MYO7B: variants seen among roughly 807,000 people sequenced by gnomAD.
The protein encoded by MYO7B is unconventional myosin-VIIb.
A neutral mutation model predicts 259.7 loss-of-function variants in MYO7B; 212 were observed. The observed-to-expected ratio is 0.82, with a 90% CI of 0.73 to 0.91. MYO7B has a LOEUF of 0.91. MYO7B is among the 40% of genes least tolerant of loss of function. The pLI, the probability that MYO7B is intolerant of heterozygous loss-of-function variation, is 0.00. For synonymous variants in MYO7B, 1,197 were observed against 1,166.4 expected, an observed-to-expected ratio of 1.03 and a Z score of -0.54; for missense variants, 2,732 against 2,813.5, an observed-to-expected ratio of 0.97 and a Z score of 0.66.
intron 5 of MYO7B, 141 bp from the exon 6 acceptor site, chr2:127,569,647 AG>A: frequency 9.5e-7 from 1 of 1,055,888 alleles, no homozygotes; most frequent in East Asian, 2.7e-5. Flanking sequence ...TCAGGGCTTC[AG>A]TGCAGTGGGA....
rs954972165 is a variant in MYO7B, at chr2:127,622,000, G to A, written c.3544G>A (p.Gly1182Ser). Residue 1182 changes from glycine (G) to serine (S), a missense_variant, in exon 28 of 48, where the codon GGC (glycine) becomes AGC (serine). This residue lies in a region of MYO7B where 1,906 missense variants were observed against 2,026.4 expected (regional missense o/e 0.94). Transcript: ENST00000409816. ...CCACCAGTATCTACTGAACTTCATC[G>A]GCCAAGGGCCGGCGACCTACGGCCC... The part of the protein sequence containing the change: ...RFMKYLLNFI[G>S]QGPATYGPFC... The A allele has an allele frequency of 1.0e-5, 16 of 1,551,628 alleles. No individual in the cohort carries two copies. The highest frequency in any genetic ancestry group is 1.3e-5 in the Non-Finnish European group (15 of 1,147,008).
At chr2:127,605,742 A>G in intron 19 of MYO7B, 102 bp from the exon 20 acceptor site, 1 of 982,052 alleles carries the variant, frequency 1.0e-6, no homozygotes, top group Non-Finnish European at 1.5e-6. Flanking sequence ...ATTTTTCCCA[A>G]TATTTCACTA....
At chr2:127,635,672 G>A (rs375419166) in intron 43 of MYO7B, 50 bp from the exon 44 acceptor site, 34 of 1,537,732 alleles carry the variant, frequency 2.2e-5, no homozygotes, top group South Asian at 7.4e-5. Context: ...GGTTGGGGGC[G>A]GGTGGGCCGC....
Position 127,559,622 on chromosome 2 carries a change from A to C in MYO7B, c.-23-78A>C. ...GGCACTTAGGGAAGTGTTGGTGAAC[A>C]AGCCCAGCTCCTGTGCTCCAGGGGC... On this transcript the variant is annotated intron_variant, in intron 1 of 47. Coordinates refer to ENST00000409816, the MANE Select transcript of MYO7B (RefSeq NM_001393586.1). This position sits in a 1 kb window ranked among gnomAD's most constrained non-coding sequence, Gnocchi z 4.1. 1.4e-6 allele frequency: 2 copies of C among 1,390,734 alleles called. No individual in the cohort carries two copies. Among genetic ancestry groups the C allele is most frequent in the South Asian group, 2.3e-5 (2 of 86,260 alleles). The allele number at this position is 1,390,734 out of a possible 1,614,324, so 86.1% of individuals were successfully genotyped here.
chr2:127,540,455 C>T (rs1408119087), intron 1 of MYO7B, among the ~76,000 whole-genome samples: 1 of 152,260 alleles, frequency 6.6e-6, no homozygotes, highest in Admixed American at 6.5e-5. Context: ...TGAGCCACCG[C>T]GCCCAGCCGC....
At position 127,636,116 on chromosome 2, in the gene MYO7B, G is replaced by A. The variant is rs1227981857; in HGVS notation, c.6007-92G>A. The A allele has an allele frequency of 1.3e-5, 16 of 1,186,692 alleles. No individual in the cohort carries two copies. The Admixed American group carries it at 1.4e-4, about 10-fold the overall frequency. 73.5% of individuals were successfully genotyped at this position (1,186,692 alleles called of 1,614,324 possible). A position where few individuals can be genotyped will look rare whatever the true frequency, so the allele number is the denominator to read the frequency against. On this transcript the variant is annotated intron_variant, in intron 44 of 47. Transcript: ENST00000409816. This position sits in a 1 kb window ranked among gnomAD's most constrained non-coding sequence, Gnocchi z 4.5. ...GCATTCCTCCCCTCCCCTCCCCACC[G>A]TACTAGCCCTGGGGTAGGCAGGTGC...
At position 127,614,229 on chromosome 2, in the gene MYO7B, T is replaced by C. The variant is rs1019466752; in HGVS notation, c.3398+1626T>C. ...CAGTGCTGGTGTCCAGCAGTGATAC[T>C]GTCCAACACTGATCCCTTGAGACTT... On this transcript the variant is annotated intron_variant, in intron 26 of 47. Coordinates refer to ENST00000409816, the MANE Select transcript of MYO7B (RefSeq NM_001393586.1). The surrounding 1 kb of genome is among the most constrained non-coding windows in gnomAD (Gnocchi z 4.6). Among the ~76,000 whole-genome samples the C allele has an allele frequency of 6.6e-6, 1 of 152,198 alleles. No individual in the cohort carries two copies. Among genetic ancestry groups the C allele is most frequent in the Admixed American group, 6.5e-5 (1 of 15,280 alleles).
intron 44 of MYO7B, 48 bp downstream of exon 44, chr2:127,635,955 G>A: frequency 6.5e-7 from 1 of 1,535,932 alleles, no homozygotes. Flanking sequence ...GCTCCTCCCT[G>A]GGCCCCTGCA....
chr2:127,605,175 C>G (rs946098207), intron 19 of MYO7B, among the ~76,000 whole-genome samples: 2 of 152,232 alleles, frequency 1.3e-5, no homozygotes, highest in Non-Finnish European at 2.9e-5. Flanking sequence ...GTTTTCTTCT[C>G]CGTGTCCAGC....
intron 18 of MYO7B, 84 bp downstream of exon 18, chr2:127,593,728 G>A: frequency 7.8e-7 from 1 of 1,279,890 alleles, no homozygotes; most frequent in Non-Finnish European, 1.1e-6. Flanking sequence ...GGGGTCCATG[G>A]TCCATGTGCC....
Position 127,584,408 on chromosome 2 carries a change from T to C in MYO7B, c.1554+76T>C. 1.4e-6 allele frequency: 2 copies of C among 1,477,098 alleles called. No homozygotes were observed. Among genetic ancestry groups the C allele is most frequent in the African/African-American group, 1.4e-5 (1 of 71,826 alleles). 91.5% of individuals were successfully genotyped at this position (1,477,098 alleles called of 1,614,324 possible). On this transcript the variant is annotated intron_variant, in intron 13 of 47. Coordinates refer to ENST00000409816, the MANE Select transcript of MYO7B (RefSeq NM_001393586.1). The surrounding 1 kb of genome is among the most constrained non-coding windows in gnomAD (Gnocchi z 5.8). ...CCTCTTGGAGGCTGGGAAACTCCATTTGGGTGGGCCACTTGTTCTGAGAGT... is the reference window on the plus strand; with the variant it reads ...CCTCTTGGAGGCTGGGAAACTCCATCTGGGTGGGCCACTTGTTCTGAGAGT...
chr2:127,592,914 G>C lies in MYO7B; in HGVS notation c.2113G>C (p.Gly705Arg). ...YTFEEFSQRF[G>R]VLLPNAMRMQ... ...GTTCGAGGAGTTCTCGCAGAGGTTCGGCGTGTTGCTGCCCAACGCCATGCG... is the reference window on the plus strand; with the variant it reads ...GTTCGAGGAGTTCTCGCAGAGGTTCCGCGTGTTGCTGCCCAACGCCATGCG... The change falls in exon 17 of 48, where the codon GGC (glycine) becomes CGC (arginine). Residue 705 changes from glycine to arginine, a missense_variant. This residue lies in a region of MYO7B where 1,906 missense variants were observed against 2,026.4 expected (regional missense o/e 0.94). Transcript: ENST00000409816. 6.2e-7 allele frequency: 1 copy of C among 1,604,018 alleles called. No individual in the cohort carries two copies. Among genetic ancestry groups the C allele is most frequent in the Non-Finnish European group, 8.5e-7 (1 of 1,175,992 alleles).
At chr2:127,553,612 C>A (rs1441165846) in intron 1 of MYO7B, among the ~76,000 whole-genome samples, 1 of 152,090 alleles carries the variant, frequency 6.6e-6, no homozygotes, top group Non-Finnish European at 1.5e-5. Flanking sequence ...AATTTTGTAT[C>A]CCGAAAATTT....
At chr2:127,601,323 G>A (rs979203176) in intron 19 of MYO7B, among the ~76,000 whole-genome samples, 1 of 152,200 alleles carries the variant, frequency 6.6e-6, no homozygotes, top group African/African-American at 2.4e-5. Flanking sequence ...TCTGAAAAAT[G>A]TCAATTAGAT....
In MYO7B at chr2:127,631,246, C is replaced by A; in HGVS notation, c.4978C>A (p.Leu1660Met). 1 of 1,610,794 alleles carries A rather than the reference C, an allele frequency of 6.2e-7. No homozygotes were observed. The highest frequency in any genetic ancestry group is 8.5e-7 in the Non-Finnish European group (1 of 1,178,472). Residue 1660 changes from leucine to methionine, a missense_variant, in exon 37 of 48, where the codon CTG (leucine) becomes ATG (methionine). Physicochemically the swap from Leu to Met is conservative, Grantham distance 15. Coordinates refer to ENST00000409816, the MANE Select transcript of MYO7B (RefSeq NM_001393586.1). ...KDMVSMAVLP[L>M]ARARGHLWAY... Reference sequence around the variant, plus strand: ...CATGGTGAGCATGGCCGTGCTGCCCCTGGCCCGTGCCCGTGGCCACCTGTG... The same window carrying A: ...CATGGTGAGCATGGCCGTGCTGCCCATGGCCCGTGCCCGTGGCCACCTGTG...
chr2:127,578,338 A>G, intron 9 of MYO7B, 52 bp downstream of exon 9: 1 of 1,607,274 alleles, frequency 6.2e-7, no homozygotes, highest in South Asian at 1.1e-5. Flanking sequence ...AGGGAAGGGG[A>G]CAGGAGCAGG....
At chr2:127,629,553 G>T in intron 34 of MYO7B, 92 bp from the exon 35 acceptor site, 1 of 1,294,480 alleles carries the variant, frequency 7.7e-7, no homozygotes. Flanking sequence ...CTATGCCTCG[G>T]TTTCATCTGT....
rs1679504548 is a variant in MYO7B at position 127,590,142 on chromosome 2, G to A, written c.1905G>A (p.Gln635=). 6.2e-7 allele frequency: 1 copy of A among 1,609,424 alleles called. No individual in the cohort carries two copies. The highest frequency in any genetic ancestry group is 1.7e-5 in the Admixed American group (1 of 59,476). The part of the protein sequence containing the change: ...RPSTLGSQFK[Q]SLDQLMKILT... ...CCACCTTAGGAAGCCAGTTCAAACAGTCTCTGGACCAGCTGATGAAAATCC... is the reference window on the plus strand; with the variant it reads ...CCACCTTAGGAAGCCAGTTCAAACAATCTCTGGACCAGCTGATGAAAATCC... The change falls in exon 16 of 48, where the codon CAG becomes CAA. Residue 635 remains glutamine (Q), a synonymous_variant. Coordinates refer to ENST00000409816, the MANE Select transcript of MYO7B (RefSeq NM_001393586.1). This position sits in a 1 kb window ranked among gnomAD's most constrained non-coding sequence, Gnocchi z 4.6.
chr2:127,626,423 T>C (rs1681117272), intron 31 of MYO7B: 1 of 155,052 alleles, frequency 6.4e-6, no homozygotes, highest in South Asian at 2.0e-4. Context: ...CAGATGCTAA[T>C]GAGGGGACGG....
Sources: gnomAD v4.1 joint callset for allele counts (sites outside exome capture counted in the v4.1 genomes callset) on GRCh38, gnomAD v4.1.1 for gene constraint, gnomAD v4.1.1 regional missense constraint, Gnocchi (gnomAD v3.1) non-coding constraint, MANE v1.5 for transcripts, NCBI Gene and HGNC (gene_info 2026-07-23, HGNC 2026-07-21) for gene names.